KAT7: variants seen among roughly 807,000 people sequenced by gnomAD.
KAT7 encodes histone acetyltransferase KAT7.
A neutral mutation model predicts 82.1 loss-of-function variants in KAT7; 10 were observed. That is an observed-to-expected ratio of 0.12 (90% confidence interval 0.08 to 0.21). The LOEUF (loss-of-function observed/expected upper bound fraction) is 0.21. KAT7 is among the 10% of genes least tolerant of loss of function. The pLI, the probability that KAT7 is intolerant of heterozygous loss-of-function variation, is 1.00. For missense variants in KAT7, 378 were observed against 760.9 expected, an observed-to-expected ratio of 0.50 and a Z score of 5.92; for synonymous variants, 250 against 262.5, an observed-to-expected ratio of 0.95 and a Z score of 0.46.
At position 49,817,846 on chromosome 17, in the gene KAT7, C is replaced by A. The variant is rs756427863; in HGVS notation, c.990C>A (p.Ile330=). Reference sequence around the variant, plus strand: ...AGAAGTTAAGGCTGCAAGGCCAAATCACAGAGGGAAGCAACATGATTAAAA... The same window carrying A: ...AGAAGTTAAGGCTGCAAGGCCAAATAACAGAGGGAAGCAACATGATTAAAA... ...DLEKLRLQGQ[I]TEGSNMIKTI... Residue 330 remains isoleucine (I), a synonymous_variant, in exon 9 of 15, where the codon ATC becomes ATA. Coordinates refer to ENST00000259021, the MANE Select transcript of KAT7 (RefSeq NM_007067.5). The A allele has an allele frequency of 1.9e-6, 3 of 1,612,432 alleles. No individual in the cohort carries two copies.
At position 49,798,337 on chromosome 17, in the gene KAT7, A is replaced by T. The variant is rs1331216952; in HGVS notation, c.359A>T (p.Asp120Val). Residue 120 changes from aspartate (D) to valine (V), a missense_variant, in exon 4 of 15, where the codon GAT becomes GTT. Physicochemically the swap from Asp to Val is radical, Grantham distance 152. This residue lies in a region of KAT7 where 161 missense variants were observed against 229.6 expected (regional missense o/e 0.70). Transcript: ENST00000259021. ...GCTTTAGAAACTAAAAATACAGCTG[A>T]TCATGATGAGTCACCGCCTCGAACT... ...FSDRETKNTA[D>V]HDESPPRTPT... is the part of the protein sequence containing the mutation. The T allele has an allele frequency of 6.2e-7, 1 of 1,614,120 alleles. No homozygotes were observed. Among genetic ancestry groups the T allele is most frequent in the East Asian group, 2.2e-5 (1 of 44,890 alleles).
At chr17:49,826,587 G>A in intron 13 of KAT7, 106 bp from the exon 14 acceptor site, 1 of 740,196 alleles carries the variant, frequency 1.4e-6, no homozygotes, top group Non-Finnish European at 2.4e-6. Context: ...GAGTACAGAA[G>A]ATTCTGTCCA....
At position 49,791,951 on chromosome 17, in the gene KAT7, A is replaced by G; in HGVS notation, c.81A>G (p.Thr27=). The change falls in exon 2 of 15, where the codon ACA becomes ACG. Residue 27 remains threonine (T), a synonymous_variant. Transcript: ENST00000259021. ...ATTTTTCTACAGATCTCGAGCACAC[A>G]GACAGTTCAGAAAGTGATGGCACAT... ...DSDFSTDLEH[T]DSSESDGTSR... 1.9e-6 allele frequency: 3 copies of G among 1,614,254 alleles called. No homozygotes were observed. The highest frequency in any genetic ancestry group is 1.1e-5 in the South Asian group (1 of 91,088).
At position 49,832,130 on chromosome 17, in the gene KAT7, AT is replaced by A. The variant is rs1481734412; in HGVS notation, c.*4633del. The A allele has an allele frequency of 6.7e-6, 1 of 149,578 alleles. No homozygotes were observed. Among genetic ancestry groups the A allele is most frequent in the East Asian group, 2.0e-4 (1 of 5,042 alleles). 9.3% of individuals were successfully genotyped at this position (149,578 alleles called of 1,614,324 possible). A position where few individuals can be genotyped will look rare whatever the true frequency, so the allele number is the denominator to read the frequency against. ...ACCACCTCGCCTGGCTAATTTTTGT[AT>A]TTTTAGTAGAGATGAGGTTTTGCCC... On this transcript the variant is annotated 3_prime_UTR_variant, in exon 15 of 15. Transcript: ENST00000259021.
At chr17:49,797,675 TA>T (rs1021756862) in intron 3 of KAT7, among the ~76,000 whole-genome samples, 3 of 152,260 alleles carry the variant, frequency 2.0e-5, no homozygotes, top group South Asian at 2.1e-4. Context: ...TGATTTCATA[TA>T]AAAACCTGGA....
intron 2 of KAT7, 83 bp from the exon 3 acceptor site, chr17:49,796,667 G>A (rs984761265): frequency 4.7e-5 from 49 of 1,040,578 alleles, no homozygotes; most frequent in Non-Finnish European, 5.4e-5. Context: ...AGGAGGAGGA[G>A]CGATATTCTG....
chr17:49,800,788 G>A (rs1343667948), intron 4 of KAT7, among the ~76,000 whole-genome samples: 1 of 152,110 alleles, frequency 6.6e-6, no homozygotes, highest in Admixed American at 6.5e-5. Context: ...GGAGATAAAT[G>A]CTGTGAAGGA....
chr17:49,798,829 A>G (rs1295640141), intron 4 of KAT7, among the ~76,000 whole-genome samples: 1 of 152,204 alleles, frequency 6.6e-6, no homozygotes, highest in Non-Finnish European at 1.5e-5. Flanking sequence ...TCATTTTCCT[A>G]GCAAAAGCAA....
intron 2 of KAT7, among the ~76,000 whole-genome samples, chr17:49,792,578 A>T (rs1330776582): frequency 6.6e-6 from 1 of 152,198 alleles, no homozygotes; most frequent in African/African-American, 2.4e-5. Context: ...GCAATGAGCC[A>T]TAATAACTCC....
intron 8 of KAT7, 110 bp from the exon 9 acceptor site, chr17:49,817,710 G>T: frequency 1.3e-6 from 1 of 799,006 alleles, no homozygotes; most frequent in Non-Finnish European, 2.0e-6. Context: ...TAAGTGACCT[G>T]CCTGCCTCAG....
intron 11 of KAT7, among the ~76,000 whole-genome samples, chr17:49,822,385 G>A (rs781576810): frequency 6.6e-6 from 1 of 151,864 alleles, no homozygotes; most frequent in Non-Finnish European, 1.5e-5. Context: ...CTGCCACCAC[G>A]CCCAGCTAAT....
At chr17:49,822,316 C>G (rs542791418) in intron 11 of KAT7, among the ~76,000 whole-genome samples, 3 of 152,116 alleles carry the variant, frequency 2.0e-5, no homozygotes, top group East Asian at 3.9e-4. Flanking sequence ...CACCCTCTGC[C>G]TCCCAGGTTC....
rs2074418971 is a variant in KAT7, at chr17:49,830,766, G to C, written c.*3264G>C. 6.6e-6 allele frequency: 1 copy of C among 152,110 alleles called. No individual in the cohort carries two copies. The highest frequency in any genetic ancestry group is 1.5e-5 in the Non-Finnish European group (1 of 67,998). 9.4% of individuals were successfully genotyped at this position (152,110 alleles called of 1,614,324 possible). A position where few individuals can be genotyped will look rare whatever the true frequency, so the allele number is the denominator to read the frequency against. ...ACTTCAATTCTGGTCTGTCTACCTT[G>C]ATAGCCTGCACCCTCCCCTCTACCG... On this transcript the variant is annotated 3_prime_UTR_variant, in exon 15 of 15. Transcript: ENST00000259021.
rs750759460 is a variant in KAT7, at chr17:49,788,862, AGAG to A, written c.15+18_15+20del. 1.3e-6 allele frequency: 2 copies of A among 1,584,708 alleles called. No individual in the cohort carries two copies. The highest frequency in any genetic ancestry group is 1.7e-6 in the Non-Finnish European group (2 of 1,162,990). ...GCCGCGAAGGAAGGTGAGAAACGGG[AGAG>A]GAGGGATGGCGGGTTTCTAAGGACA... On this transcript the variant is annotated intron_variant, in intron 1 of 14. Transcript: ENST00000259021.
At chr17:49,797,644 T>G (rs2073973906) in intron 3 of KAT7, among the ~76,000 whole-genome samples, 2 of 152,250 alleles carry the variant, frequency 1.3e-5, no homozygotes, top group African/African-American at 4.8e-5. Flanking sequence ...TTAAATTTGT[T>G]GCTAGTATTT....
At chr17:49,822,025 G>T (rs2074310189) in intron 11 of KAT7, among the ~76,000 whole-genome samples, 1 of 152,018 alleles carries the variant, frequency 6.6e-6, no homozygotes, top group Admixed American at 6.6e-5. Flanking sequence ...GACTGGAGCT[G>T]CCTATTAATA....
intron 12 of KAT7, among the ~76,000 whole-genome samples, chr17:49,825,359 G>A (rs2074356360): frequency 6.6e-6 from 1 of 152,200 alleles, no homozygotes; most frequent in South Asian, 2.1e-4. Flanking sequence ...AGGTAGTGAA[G>A]TGGCTTCACA....
Position 49,832,512 on chromosome 17 carries a change from T to C in KAT7, c.*5010T>C, listed in dbSNP as rs2074432539. 6.6e-6 allele frequency: 1 copy of C among 152,244 alleles called. No individual in the cohort carries two copies. The highest frequency in any genetic ancestry group is 1.5e-5 in the Non-Finnish European group (1 of 68,044). 9.4% of individuals were successfully genotyped at this position (152,244 alleles called of 1,614,324 possible). A position where few individuals can be genotyped will look rare whatever the true frequency, so the allele number is the denominator to read the frequency against. ...TTGTAAATATGCACACATTTGTCTA[T>C]AGTTGAGGAAATTGTGCCGTTGAAG... On this transcript the variant is annotated 3_prime_UTR_variant, in exon 15 of 15. Coordinates refer to ENST00000259021, the MANE Select transcript of KAT7 (RefSeq NM_007067.5).
At chr17:49,815,480 T>G in intron 7 of KAT7, 1 of 189,008 alleles carries the variant, frequency 5.3e-6, no homozygotes, top group Non-Finnish European at 1.1e-5. Context: ...TTGTACTTTA[T>G]TTATTTGTAC....
Sources: allele counts gnomAD v4.1 joint callset (sites outside exome capture counted in the v4.1 genomes callset), GRCh38; gene constraint gnomAD v4.1.1; regional missense constraint gnomAD v4.1.1; transcripts MANE v1.5; gene names NCBI Gene and HGNC (gene_info 2026-07-23, HGNC 2026-07-21).